The following MSRA variants were observed in gnomAD, a reference collection of about 807,000 sequenced individuals.
MSRA encodes mitochondrial peptide methionine sulfoxide reductase.
MSRA carries 54 observed loss-of-function variants against 31.3 expected under a neutral mutation model. That is an observed-to-expected ratio of 1.73 (90% CI 1.39 to 2.17). The LOEUF (loss-of-function observed/expected upper bound fraction) is 2.17. Among genes scored for constraint, MSRA ranks in the 30% most tolerant of loss-of-function variants. The probability of loss-of-function intolerance (pLI) is 0.00; values close to 1 mark genes in which losing one functional copy is unlikely to be tolerated. For synonymous variants in MSRA, 169 were observed against 116.5 expected (o/e 1.45, Z -2.90); for missense variants, 507 against 300.9 (o/e 1.69, Z -5.07).
intron 5 of MSRA, among the ~76,000 whole-genome samples, chr8:10,326,186 C>G (rs900681875): frequency 6.6e-6 from 1 of 152,156 alleles, no homozygotes; most frequent in Non-Finnish European, 1.5e-5. Context: ...CCCAGTGACC[C>G]CCTAGTACCC....
chr8:10,378,498 T>A (rs1292929262), intron 5 of MSRA, among the ~76,000 whole-genome samples: 10 of 152,228 alleles, frequency 6.6e-5, no homozygotes, highest in Non-Finnish European at 1.2e-4. Flanking sequence ...GTGACCTTGC[T>A]GAGTTGGTGA....
chr8:10,352,920 C>T (rs142751391), intron 5 of MSRA, among the ~76,000 whole-genome samples: 14 of 152,168 alleles, frequency 9.2e-5, no homozygotes, highest in Non-Finnish European at 1.9e-4. Context: ...CCGTGCTGCC[C>T]AGCTGATGAG....
At chr8:10,192,222 A>T (rs1266017090) in intron 1 of MSRA, among the ~76,000 whole-genome samples, 1 of 152,244 alleles carries the variant, frequency 6.6e-6, no homozygotes, top group African/African-American at 2.4e-5. Flanking sequence ...GTAGCAGTGA[A>T]TCACTAAGTT....
At chr8:10,351,549 G>T (rs1804150179) in intron 5 of MSRA, among the ~76,000 whole-genome samples, 1 of 152,312 alleles carries the variant, frequency 6.6e-6, no homozygotes, top group African/African-American at 2.4e-5. Context: ...ACTGTGCCCG[G>T]CCGAAAGTGA....
Position 10,320,012 on chromosome 8 carries a change from C to T in MSRA, c.543+23C>T, listed in dbSNP as rs146908660. 1.7e-4 allele frequency: 258 copies of T among 1,548,724 alleles called. No individual in the cohort carries two copies. In the African/African-American group the frequency reaches 3.3e-3, roughly 20 times the overall value. ...AAGGTAGGGATTGCTGGGCTCCTAG[C>T]CCCTGGCTTAGGCCACCATGACTAG... is the stretch of plus-strand genomic sequence containing the variant. On this transcript the variant is annotated intron_variant, in intron 5 of 5. Transcript: ENST00000317173.
chr8:10,247,719 A>T (rs922784049), intron 3 of MSRA, among the ~76,000 whole-genome samples: 2 of 152,170 alleles, frequency 1.3e-5, no homozygotes, highest in Non-Finnish European at 2.9e-5. Context: ...TTGGAAAGGG[A>T]TAGTTATAGG....
intron 5 of MSRA, among the ~76,000 whole-genome samples, chr8:10,424,751 G>T (rs1467700148): frequency 1.3e-5 from 2 of 152,344 alleles, no homozygotes; most frequent in South Asian, 4.1e-4. Flanking sequence ...CTGGGTTAGG[G>T]GAGGTGCTGG....
At chr8:10,300,766 G>A (rs752600349) in intron 3 of MSRA, among the ~76,000 whole-genome samples, 2 of 152,026 alleles carry the variant, frequency 1.3e-5, no homozygotes, top group African/African-American at 4.8e-5. Flanking sequence ...AGTATGGAGG[G>A]ATCTCTTATT....
chr8:10,063,904 C>A (rs1305306750), intron 1 of MSRA, among the ~76,000 whole-genome samples: 1 of 152,218 alleles, frequency 6.6e-6, no homozygotes, highest in Non-Finnish European at 1.5e-5. Context: ...TCTAAAACAT[C>A]TTGGGGCTTT....
chr8:10,300,320 A>G (rs181454680), intron 3 of MSRA, among the ~76,000 whole-genome samples: 1 of 151,552 alleles, frequency 6.6e-6, no homozygotes, highest in East Asian at 1.9e-4. Context: ...CAGTGGTGCG[A>G]TCTCGGCTTA....
At chr8:10,168,390 G>T (rs573402600) in intron 1 of MSRA, among the ~76,000 whole-genome samples, 2 of 152,128 alleles carry the variant, frequency 1.3e-5, no homozygotes, top group African/African-American at 2.4e-5. Flanking sequence ...GGCCAACTCA[G>T]ATGTCACTGG....
chr8:10,346,602 T>C (rs1287618689), intron 5 of MSRA, among the ~76,000 whole-genome samples: 1 of 152,136 alleles, frequency 6.6e-6, no homozygotes, highest in Non-Finnish European at 1.5e-5. Context: ...GAGAGAAAGC[T>C]CCAGAGTGGA....
intron 5 of MSRA, among the ~76,000 whole-genome samples, chr8:10,409,462 G>C (rs4841331): frequency 0.14 from 21,525 of 152,132 alleles, 2,532 homozygotes; most frequent in East Asian, 0.45. Flanking sequence ...TGGCAGATTT[G>C]GTGAGTGGTT....
intron 1 of MSRA, among the ~76,000 whole-genome samples, chr8:10,175,709 G>A (rs1341956848): frequency 6.6e-6 from 1 of 152,162 alleles, no homozygotes; most frequent in African/African-American, 2.4e-5. Flanking sequence ...GAAGATGTTT[G>A]GTAGCATTTC....
chr8:10,171,096 A>C (rs575092896), intron 1 of MSRA, among the ~76,000 whole-genome samples: 1 of 152,154 alleles, frequency 6.6e-6, no homozygotes, highest in African/African-American at 2.4e-5. Flanking sequence ...TATTTTTGGC[A>C]CATGGATGGG....
chr8:10,243,088 A>G (rs531083566), intron 2 of MSRA, among the ~76,000 whole-genome samples: 15 of 152,194 alleles, frequency 9.9e-5, no homozygotes, highest in Non-Finnish European at 2.1e-4. Flanking sequence ...ACCTGGGGCT[A>G]TTGGAGTGGG....
At chr8:10,252,541 G>A (rs1168945667) in intron 3 of MSRA, among the ~76,000 whole-genome samples, 1 of 152,190 alleles carries the variant, frequency 6.6e-6, no homozygotes, top group African/African-American at 2.4e-5. Context: ...AGCGCCTGCA[G>A]GAGCCCAGGA....
chr8:10,343,115 A>C (rs1370415168), intron 5 of MSRA, among the ~76,000 whole-genome samples: 1 of 151,882 alleles, frequency 6.6e-6, no homozygotes. Flanking sequence ...ATACATTTGT[A>C]ATATTTTAGC....
intron 5 of MSRA, among the ~76,000 whole-genome samples, chr8:10,328,780 G>T (rs540877389): frequency 3.7e-4 from 57 of 152,252 alleles, no homozygotes; most frequent in Admixed American, 1.2e-3. Context: ...GAACTTTCCA[G>T]AGAACTGGGG....
Sources: gnomAD v4.1 joint callset for allele counts (sites outside exome capture counted in the v4.1 genomes callset) on GRCh38, gnomAD v4.1.1 for gene constraint, MANE v1.5 for transcripts, NCBI Gene and HGNC (gene_info 2026-07-23, HGNC 2026-07-21) for gene names.